Variants in CHODL observed in about 807,000 individuals in gnomAD.
CHODL encodes transmembrane protein MT75.
A neutral mutation model predicts 34.5 loss-of-function variants in CHODL; 29 were observed. The ratio of observed to expected loss-of-function variants is 0.84; its 90% CI spans 0.63 to 1.15. The LOEUF (loss-of-function observed/expected upper bound fraction) is 1.15. Among genes scored for constraint, CHODL ranks in the 50% most tolerant of loss-of-function variants. The pLI, the probability that CHODL is intolerant of heterozygous loss-of-function variation, is 0.00. For synonymous variants in CHODL, 125 were observed against 116.1 expected (o/e 1.08, Z -0.49); for missense variants, 332 against 332.5 (o/e 1.00, Z 0.01).
At chr21:18,087,784 G>A (rs926773448) in intron 2 of CHODL, among the ~76,000 whole-genome samples, 1 of 152,160 alleles carries the variant, frequency 6.6e-6, no homozygotes, top group Non-Finnish European at 1.5e-5. Flanking sequence ...ATGTGTTTAG[G>A]AGGGCCTGTG....
chr21:18,002,985 A>T (rs868402170), intron 1 of CHODL, among the ~76,000 whole-genome samples: 55 of 152,014 alleles, frequency 3.6e-4, no homozygotes, highest in African/African-American at 1.2e-3. Flanking sequence ...TAGCCGGGCG[A>T]GGTGGCGGGC....
upstream of CHODL, among the ~76,000 whole-genome samples, chr21:18,240,963 G>A (rs371278862): frequency 3.6e-4 from 55 of 152,152 alleles, no homozygotes; most frequent in South Asian, 1.9e-3. Flanking sequence ...TTCTGATATC[G>A]TTATGAACAA....
chr21:17,975,507 TCCTG>T (rs2063654614), intron 1 of CHODL, among the ~76,000 whole-genome samples: 1 of 152,154 alleles, frequency 6.6e-6, no homozygotes, highest in Non-Finnish European at 1.5e-5. Context: ...AATGGCTGAT[TCCTG>T]CCTATTTTTC....
chr21:17,924,644 G>A (rs2063209119), intron 1 of CHODL, among the ~76,000 whole-genome samples: 1 of 152,154 alleles, frequency 6.6e-6, no homozygotes, highest in African/African-American at 2.4e-5. Flanking sequence ...ACAATTAGTC[G>A]GGACTGTTCT....
chr21:18,263,824 A>G (rs1568964987), intron 5 of CHODL, among the ~76,000 whole-genome samples: 1 of 152,008 alleles, frequency 6.6e-6, no homozygotes, highest in Non-Finnish European at 1.5e-5. Flanking sequence ...CCTACCATTA[A>G]GCAACAAAAG....
chr21:18,034,343 A>G (rs2064284167), intron 2 of CHODL, among the ~76,000 whole-genome samples: 1 of 152,040 alleles, frequency 6.6e-6, no homozygotes, highest in African/African-American at 2.4e-5. Context: ...CATCTTGAAT[A>G]TAAAAGACAA....
chr21:17,941,788 A>G (rs1335845889), intron 1 of CHODL, among the ~76,000 whole-genome samples: 1 of 152,186 alleles, frequency 6.6e-6, no homozygotes, highest in Non-Finnish European at 1.5e-5. Flanking sequence ...TATTTCTCAC[A>G]GTTCTAGAGG....
At chr21:18,222,702 AG>A (rs1265674113) in intron 2 of CHODL, among the ~76,000 whole-genome samples, 4 of 152,084 alleles carry the variant, frequency 2.6e-5, no homozygotes, top group Non-Finnish European at 5.9e-5. Context: ...TGAACTTCAG[AG>A]GGTCTCTGTT....
intron 2 of CHODL, among the ~76,000 whole-genome samples, chr21:18,094,782 T>C (rs1180303110): frequency 6.7e-6 from 1 of 148,840 alleles, no homozygotes; most frequent in East Asian, 1.9e-4. Context: ...ATAGCACATC[T>C]TAATAAACTG....
intron 1 of CHODL, among the ~76,000 whole-genome samples, chr21:17,953,710 C>G (rs1399579688): frequency 1.3e-5 from 2 of 152,056 alleles, no homozygotes; most frequent in African/African-American, 2.4e-5. Context: ...ATACTATAAA[C>G]TATTTAAATA....
intron 2 of CHODL, among the ~76,000 whole-genome samples, chr21:18,178,839 A>G (rs558540865): frequency 6.6e-6 from 1 of 152,270 alleles, no homozygotes; most frequent in African/African-American, 2.4e-5. Context: ...AGCATCAACC[A>G]TAGAGTTTAG....
chr21:18,267,175 G>T lies in CHODL; in HGVS notation c.*1137G>T, dbSNP rs1279752557. Reference sequence around the variant, plus strand: ...GAACTACGAAATCGTGTGAAAATGGGTTGGAACCCATCAGTGATCGCATAT... The same window carrying T: ...GAACTACGAAATCGTGTGAAAATGGTTTGGAACCCATCAGTGATCGCATAT... On this transcript the variant is annotated 3_prime_UTR_variant, in exon 6 of 6. Transcript: ENST00000299295. 6.6e-6 allele frequency: 1 copy of T among 152,206 alleles called. No homozygotes were observed. The highest frequency in any genetic ancestry group is 1.5e-5 in the Non-Finnish European group (1 of 68,054). 9.4% of individuals were successfully genotyped at this position (152,206 alleles called of 1,614,324 possible). A position where few individuals can be genotyped will look rare whatever the true frequency, so the allele number is the denominator to read the frequency against.
At chr21:18,101,167 T>G (rs1207959279) in intron 2 of CHODL, among the ~76,000 whole-genome samples, 3 of 54,348 alleles carry the variant, frequency 5.5e-5, no homozygotes, top group Non-Finnish European at 1.7e-4. Context: ...GATCTGATGG[T>G]TTTTAAAAAC....
intron 2 of CHODL, among the ~76,000 whole-genome samples, chr21:18,071,449 A>G (rs2048740768): frequency 6.6e-6 from 1 of 151,996 alleles, no homozygotes; most frequent in Non-Finnish European, 1.5e-5. Context: ...CCGGCCAGCT[A>G]CAGCTCTTTC....
chr21:17,976,870 T>C (rs973248960), intron 1 of CHODL, among the ~76,000 whole-genome samples: 2 of 152,182 alleles, frequency 1.3e-5, no homozygotes, highest in African/African-American at 4.8e-5. Flanking sequence ...AGCACAGTGG[T>C]GGTGTGACAT....
intron 1 of CHODL, among the ~76,000 whole-genome samples, chr21:17,936,154 T>C (rs796752373): frequency 5.9e-5 from 9 of 152,290 alleles, no homozygotes; most frequent in African/African-American, 1.9e-4. Context: ...TTTTCTACCT[T>C]ATAACACTGG....
intron 1 of CHODL, among the ~76,000 whole-genome samples, chr21:17,923,503 C>T (rs937653494): frequency 2.1e-5 from 3 of 143,184 alleles, no homozygotes; most frequent in African/African-American, 7.9e-5. Flanking sequence ...GCATTGTTGC[C>T]CAGGCTGGAG....
intron 2 of CHODL, among the ~76,000 whole-genome samples, chr21:18,072,694 T>C (rs535986128): frequency 2.2e-4 from 33 of 152,080 alleles, no homozygotes; most frequent in Admixed American, 5.9e-4. Context: ...GATGAGGTAA[T>C]ACAATCTTTA....
At chr21:18,104,813 A>T (rs982784529) in intron 2 of CHODL, among the ~76,000 whole-genome samples, 1 of 152,212 alleles carries the variant, frequency 6.6e-6, no homozygotes, top group Admixed American at 6.5e-5. Context: ...TCCTTTAAGT[A>T]TAGAGGATGT....
Sources: gnomAD v4.1 joint callset for allele counts (sites outside exome capture counted in the v4.1 genomes callset) on GRCh38, gnomAD v4.1.1 for gene constraint, MANE v1.5 for transcripts, NCBI Gene and HGNC (gene_info 2026-07-23, HGNC 2026-07-21) for gene names.